CLEC9A: variants seen among roughly 807,000 people sequenced by gnomAD.
CLEC9A encodes C-type lectin domain containing 9A, also known as C-type lectin domain family 9 member A.
CLEC9A carries 24 observed loss-of-function variants against 30.0 expected under a neutral mutation model. That is an observed-to-expected ratio of 0.80 (90% CI 0.58 to 1.13). CLEC9A has a LOEUF of 1.13. Ranked by LOEUF, CLEC9A falls within the 50% of genes most tolerant of loss-of-function variation. The pLI, the probability that CLEC9A is intolerant of heterozygous loss-of-function variation, is 0.00. For synonymous variants in CLEC9A, 111 were observed against 96.8 expected (o/e 1.15, Z -0.86); for missense variants, 251 against 280.9 (o/e 0.89, Z 0.76).
chr12:10,031,981 G>C (rs1247314468), intron 1 of CLEC9A, among the ~76,000 whole-genome samples: 3 of 151,962 alleles, frequency 2.0e-5, no homozygotes, highest in East Asian at 3.9e-4. Context: ...CTTGTTTGGA[G>C]AGCTAAGTTC....
chr12:10,033,089 C>CAA (rs879269046), intron 1 of CLEC9A, among the ~76,000 whole-genome samples: 8 of 140,308 alleles, frequency 5.7e-5, no homozygotes, highest in African/African-American at 1.8e-4. Context: ...GATAAGCATT[C>CAA]AAAAAAAAAA....
Position 10,046,434 on chromosome 12 carries a change from A to G in CLEC9A, c.-163+4814A>G, listed in dbSNP as rs576518596. Reference sequence around the variant, plus strand: ...TAACAAAGCTCATGGGGTTTGTAAAATGAATAAATGCTTCTCAACAAGGCC... The same window carrying G: ...TAACAAAGCTCATGGGGTTTGTAAAGTGAATAAATGCTTCTCAACAAGGCC... On this transcript the variant is annotated intron_variant, in intron 2 of 8. Coordinates refer to ENST00000355819, the MANE Select transcript of CLEC9A (RefSeq NM_207345.4). Among the ~76,000 whole-genome samples, 6 of 152,360 alleles carry G rather than the reference A, an allele frequency of 3.9e-5. No homozygotes were observed. The East Asian group carries it at 1.2e-3, about 29-fold the overall frequency.
chr12:10,047,389 G>A (rs1272180421), intron 2 of CLEC9A, among the ~76,000 whole-genome samples: 2 of 152,212 alleles, frequency 1.3e-5, no homozygotes, highest in African/African-American at 4.8e-5. Context: ...ATTTAAAAAT[G>A]TAAGCCAATC....
chr12:10,043,249 G>A (rs1865813122), intron 2 of CLEC9A: 17 of 340,574 alleles, frequency 5.0e-5, no homozygotes, highest in South Asian at 4.0e-4. Context: ...TTAATTCATT[G>A]GGTCAGATTA....
rs1158095754 is a variant in CLEC9A, at chr12:10,061,176, A to G, written c.222A>G (p.Gln74=). 6.2e-7 allele frequency: 1 copy of G among 1,613,428 alleles called. No individual in the cohort carries two copies. Among genetic ancestry groups the G allele is most frequent in the Admixed American group, 1.7e-5 (1 of 59,850 alleles). Residue 74 remains glutamine, a synonymous_variant, in exon 6 of 9, where the codon CAA becomes CAG. Transcript: ENST00000355819. ...TGCAGCAGCAAGAAAAACTCATCCA[A>G]CAAGAGAGGGCACTGCTAAACTTTA... The part of the protein sequence containing the change: ...IAMQQQEKLI[Q]QERALLNFTE...
At chr12:10,063,335 T>C in intron 7 of CLEC9A, 129 bp downstream of exon 7, 1 of 904,176 alleles carries the variant, frequency 1.1e-6, no homozygotes, top group Non-Finnish European at 1.5e-6. Flanking sequence ...AAAATAAAGG[T>C]TTAAAAGAAA....
rs115516432 is a variant in CLEC9A, at chr12:10,064,951, G to A, written c.593+98G>A. On this transcript the variant is annotated intron_variant, in intron 8 of 8. Coordinates refer to ENST00000355819, the MANE Select transcript of CLEC9A (RefSeq NM_207345.4). ...ACCATGAATTTTCTCCAAGGGACAA[G>A]CAGCATGATAATGTTACAGGCGGCT... 7,838 of 1,410,128 alleles carry A rather than the reference G, an allele frequency of 5.6e-3. 374 individuals are homozygous for A. In the African/African-American group the frequency reaches 0.1, roughly 18 times the overall value. The allele number at this position is 1,410,128 out of a possible 1,614,324, so 87.4% of individuals were successfully genotyped here.
chr12:10,061,339 C>T, intron 6 of CLEC9A, 66 bp downstream of exon 6: 2 of 1,435,016 alleles, frequency 1.4e-6, no homozygotes, highest in South Asian at 2.7e-5. Flanking sequence ...TCAAAAGAAA[C>T]AGTGACACAC....
At chr12:10,034,431 C>A (rs528049872) in intron 1 of CLEC9A, among the ~76,000 whole-genome samples, 3 of 152,338 alleles carry the variant, frequency 2.0e-5, no homozygotes, top group East Asian at 3.9e-4. Flanking sequence ...TCAATTATAT[C>A]ACTTTTCTTC....
Position 10,048,186 on chromosome 12 carries a change from T to A in CLEC9A, c.-162-3805T>A, listed in dbSNP as rs546887304. Among the ~76,000 whole-genome samples the A allele has an allele frequency of 2.7e-5, 4 of 150,810 alleles. No individual in the cohort carries two copies. The East Asian group carries it at 7.8e-4, about 29-fold the overall frequency. On this transcript the variant is annotated intron_variant, in intron 2 of 8. Coordinates refer to ENST00000355819, the MANE Select transcript of CLEC9A (RefSeq NM_207345.4). ...AAGCGGAGCTTGCAGTGAGCCGAGA[T>A]TGCGCCACTGCAGTCCGCAGTCCGG...
chr12:10,033,089 CAAAAA>C (rs879269046), intron 1 of CLEC9A, among the ~76,000 whole-genome samples: 1 of 140,308 alleles, frequency 7.1e-6, no homozygotes, highest in Admixed American at 7.1e-5. Flanking sequence ...GATAAGCATT[CAAAAA>C]AAAAAAAGAT....
Position 10,063,189 on chromosome 12 carries a change from G to A in CLEC9A, c.454G>A (p.Glu152Lys). Residue 152 changes from glutamate to lysine, a missense_variant, in exon 7 of 9, where the codon GAG (glutamate) becomes AAG (lysine). Transcript: ENST00000355819. ...LKEGSTLLQI[E>K]SKEEMDFITG... is the part of the protein sequence containing the mutation. Reference sequence around the variant, plus strand: ...GGAAGGTTCCACGCTGCTACAAATAGAGAGCAAAGAAGAAATGGTAAACAC... The same window carrying A: ...GGAAGGTTCCACGCTGCTACAAATAAAGAGCAAAGAAGAAATGGTAAACAC... The A allele has an allele frequency of 6.2e-7, 1 of 1,602,244 alleles. No homozygotes were observed. The highest frequency in any genetic ancestry group is 2.3e-5 in the East Asian group (1 of 44,236).
At chr12:10,050,396 G>C (rs1865882842) in intron 2 of CLEC9A, among the ~76,000 whole-genome samples, 1 of 152,176 alleles carries the variant, frequency 6.6e-6, no homozygotes, top group Non-Finnish European at 1.5e-5. Flanking sequence ...AAAAAATGCA[G>C]TATCTGCAAA....
At chr12:10,033,858 A>G (rs1205551413) in intron 1 of CLEC9A, among the ~76,000 whole-genome samples, 1 of 152,232 alleles carries the variant, frequency 6.6e-6, no homozygotes, top group African/African-American at 2.4e-5. Flanking sequence ...CAGAATGACA[A>G]TTAATTCAGA....
At chr12:10,043,704 A>C (rs529035512) in intron 2 of CLEC9A, among the ~76,000 whole-genome samples, 1 of 151,546 alleles carries the variant, frequency 6.6e-6, no homozygotes, top group African/African-American at 2.4e-5. Context: ...AGAGAGAGAG[A>C]TGGAGTCTCG....
rs571397830 is a variant in CLEC9A at position 10,030,935 on chromosome 12, C to G, written c.-355C>G. 1 of 152,248 alleles carries G rather than the reference C, an allele frequency of 6.6e-6. No individual in the cohort carries two copies. The highest frequency in any genetic ancestry group is 6.5e-5 in the Admixed American group (1 of 15,284). 9.4% of individuals were successfully genotyped at this position (152,248 alleles called of 1,614,324 possible). On this transcript the variant is annotated 5_prime_UTR_variant, in exon 1 of 9. The change creates a new upstream start codon in the 5' untranslated region. Transcript: ENST00000355819. ...TAAAGATTCCCATGTTAGCCAAGAT[C>G]TAAATGATTCAAACTGATGATACTC...
Position 10,051,993 on chromosome 12 carries a change from G to A in CLEC9A, c.-160G>A, listed in dbSNP as rs1470536563. The A allele has an allele frequency of 6.6e-6, 1 of 152,170 alleles. No individual in the cohort carries two copies. The highest frequency in any genetic ancestry group is 1.5e-5 in the Non-Finnish European group (1 of 68,026). 9.4% of individuals were successfully genotyped at this position (152,170 alleles called of 1,614,324 possible). ...TCACCTTCTCTTTTCTTTTCCAGTG[G>A]ATAGAAGTCAAGGGCTCCAATGTCT... On this transcript the variant is annotated splice_region_variant and 5_prime_UTR_variant, in exon 3 of 9. It introduces an in-frame stop codon into an upstream open reading frame of the 5' UTR. Transcript: ENST00000355819.
At position 10,064,851 on chromosome 12, in the gene CLEC9A, C is replaced by A; in HGVS notation, c.591C>A (p.Gly197=). The change falls in exon 8 of 9, where the codon GGC becomes GGA. Residue 197 remains glycine (G), a splice_region_variant and synonymous_variant. Coordinates refer to ENST00000355819, the MANE Select transcript of CLEC9A (RefSeq NM_207345.4). ...LWQDGSSPSP[G]LLPAERSQSA... is the part of the protein sequence containing the mutation. ...AAGATGGCTCCTCTCCTTCTCCTGG[C>A]CTGTAAGTCTCTGAGTGAAATGCTA... is the stretch of plus-strand genomic sequence containing the variant. 6.2e-7 allele frequency: 1 copy of A among 1,607,466 alleles called. No individual in the cohort carries two copies. The highest frequency in any genetic ancestry group is 8.5e-7 in the Non-Finnish European group (1 of 1,177,912).
chr12:10,063,517 T>C (rs1866015461), intron 7 of CLEC9A, among the ~76,000 whole-genome samples: 1 of 152,200 alleles, frequency 6.6e-6, no homozygotes, highest in Non-Finnish European at 1.5e-5. Flanking sequence ...AAGATATACA[T>C]ATATTATAGT....
Sources: allele counts gnomAD v4.1 joint callset (sites outside exome capture counted in the v4.1 genomes callset), GRCh38; gene constraint gnomAD v4.1.1; transcripts MANE v1.5; gene names NCBI Gene and HGNC (gene_info 2026-07-23, HGNC 2026-07-21).